Variants in KIF15 observed in about 807,000 individuals in gnomAD.
KIF15 encodes the protein kinesin family member 15, also known as kinesin-like protein KIF15.
Under a neutral mutation model 190.6 loss-of-function variants are expected in KIF15, and 140 were observed. The ratio of observed to expected loss-of-function variants is 0.73; its 90% confidence interval spans 0.64 to 0.84. KIF15 has a LOEUF of 0.84. KIF15 is among the 40% of genes least tolerant of loss of function. The probability of loss-of-function intolerance (pLI) is 0.00; values close to 1 mark genes in which losing one functional copy is unlikely to be tolerated. For missense variants in KIF15, 1,372 were observed against 1,584.4 expected (o/e 0.87, Z 2.28); for synonymous variants, 528 against 551.3 (o/e 0.96, Z 0.59).
intron 3 of KIF15, among the ~76,000 whole-genome samples, chr3:44,777,260 A>G (rs1705936134): frequency 6.6e-6 from 1 of 152,074 alleles, no homozygotes; most frequent in Non-Finnish European, 1.5e-5. Context: ...GGCTTCCCTA[A>G]GTGCTAGGAT....
At position 44,801,972 on chromosome 3, in the gene KIF15, C is replaced by G. The variant is rs749430275; in HGVS notation, c.1507C>G (p.Gln503Glu). The change falls in exon 13 of 35, where the codon CAA (glutamine) becomes GAA (glutamate). Residue 503 changes from glutamine to glutamate, a missense_variant and splice_region_variant. Gln to Glu is a conservative substitution (Grantham distance 29). Transcript: ENST00000326047. ...LRNEIQTLREQIEHHPRVAKY... is the reference protein window; with the variant it reads ...LRNEIQTLREEIEHHPRVAKY... ...GAATGAGATTCAAACTCTGCGAGAA[C>G]AAGTGAGTATACGGCATCTATAATA... The G allele has an allele frequency of 1.9e-6, 3 of 1,601,894 alleles. No homozygotes were observed. The highest frequency in any genetic ancestry group is 2.6e-6 in the Non-Finnish European group (3 of 1,170,298).
intron 10 of KIF15, among the ~76,000 whole-genome samples, chr3:44,798,407 C>T (rs1483288146): frequency 6.6e-6 from 1 of 151,118 alleles, no homozygotes; most frequent in Non-Finnish European, 1.5e-5. Context: ...GCTCTGTCAC[C>T]CAGGCTAGAG....
Position 44,805,143 on chromosome 3 carries a change from T to C in KIF15, c.1804T>C (p.Tyr602His). 6.2e-7 allele frequency: 1 copy of C among 1,612,208 alleles called. No homozygotes were observed. Among genetic ancestry groups the C allele is most frequent in the Non-Finnish European group, 8.5e-7 (1 of 1,179,528 alleles). The part of the protein sequence containing the change: ...QTELNNSKQE[Y>H]EEFKELTRKR... Reference sequence around the variant, plus strand: ...AGAGCTGAATAATTCAAAGCAAGAATATGAAGAATTCAAAGAACTTACTAG... The same window carrying C: ...AGAGCTGAATAATTCAAAGCAAGAACATGAAGAATTCAAAGAACTTACTAG... The change falls in exon 15 of 35, where the codon TAT becomes CAT. Residue 602 changes from tyrosine to histidine, a missense_variant. Physicochemically the swap from Tyr to His is moderately conservative, Grantham distance 83. Coordinates refer to ENST00000326047, the MANE Select transcript of KIF15 (RefSeq NM_020242.3).
intron 7 of KIF15, among the ~76,000 whole-genome samples, chr3:44,793,601 C>G (rs1037716010): frequency 1.3e-5 from 2 of 152,132 alleles, no homozygotes; most frequent in African/African-American, 4.8e-5. Flanking sequence ...TTCTCACCAC[C>G]CTTTACAAAT....
chr3:44,843,215 A>G lies in KIF15; in HGVS notation c.3676A>G (p.Lys1226Glu). Residue 1226 changes from lysine (K) to glutamate (E), a missense_variant, in exon 30 of 35, where the codon AAA becomes GAA. By Grantham distance (56) the Lys-to-Glu change is moderately conservative. Transcript: ENST00000326047. ...CCTGCAAGGTCAGCTGGATGATATT[A>G]AAAGACAAAAGGAAAACAGGTGAGA... is the stretch of plus-strand genomic sequence containing the variant. ...WLLQGQLDDI[K>E]RQKENSDQNH... 6.2e-7 allele frequency: 1 copy of G among 1,612,170 alleles called. No homozygotes were observed.
intron 20 of KIF15, among the ~76,000 whole-genome samples, chr3:44,820,605 G>A (rs1202103454): frequency 4.0e-5 from 6 of 151,782 alleles, no homozygotes; most frequent in Admixed American, 6.6e-5. Flanking sequence ...ATCTTGCACC[G>A]CCCTTAATCC....
downstream of KIF15, among the ~76,000 whole-genome samples, chr3:44,854,372 G>GA (rs5848712): frequency 3.8e-3 from 391 of 102,792 alleles, no homozygotes; most frequent in South Asian, 8.6e-3. Flanking sequence ...GCAACAGAGT[G>GA]AAAAAAAAAA....
chr3:44,821,038 C>G lies in KIF15; in HGVS notation c.2550-5001C>G, dbSNP rs865907996. On this transcript the variant is annotated intron_variant, in intron 20 of 34. Coordinates refer to ENST00000326047, the MANE Select transcript of KIF15 (RefSeq NM_020242.3). ...CTGGCCGGGCGGGGGGGCTGACCCC[C>G]CCACCTCCCTCCCGGATGGGGCGGC... 8.8e-3 allele frequency among the ~76,000 whole-genome samples: 1,303 copies of G among 147,622 alleles called. 67 individuals carry two copies. The highest frequency in any genetic ancestry group is 0.03 in the African/African-American group (1,191 of 39,098).
chr3:44,812,805 C>T (rs138314558), intron 18 of KIF15, among the ~76,000 whole-genome samples: 5 of 152,146 alleles, frequency 3.3e-5, no homozygotes, highest in African/African-American at 9.6e-5. Flanking sequence ...GCCAAGGTGG[C>T]GAAACCCCGT....
Position 44,815,081 on chromosome 3 carries a change from A to G in KIF15, c.2549+5A>G. The G allele has an allele frequency of 6.4e-7, 1 of 1,566,356 alleles. No individual in the cohort carries two copies. ...GCTTCAATTAGATAATCTCAGGTAG[A>G]GTTGTTCTTTTATGGTTTCAAGTTG... On this transcript the variant is annotated splice_donor_5th_base_variant and intron_variant, in intron 20 of 34. Coordinates refer to ENST00000326047, the MANE Select transcript of KIF15 (RefSeq NM_020242.3).
intron 14 of KIF15, 102 bp downstream of exon 14, chr3:44,803,093 C>A: frequency 2.1e-6 from 2 of 950,782 alleles, no homozygotes; most frequent in Non-Finnish European, 3.1e-6. Context: ...GCCTCCAGGC[C>A]TGCTATGCTA....
chr3:44,859,739 T>G (rs1699220085), intron 6 of KIF15, among the ~76,000 whole-genome samples: 1 of 152,170 alleles, frequency 6.6e-6, no homozygotes, highest in African/African-American at 2.4e-5. Flanking sequence ...GCTGAGAGGA[T>G]GGCTTCAGCC....
At chr3:44,785,545 T>C (rs1575590916) in intron 6 of KIF15, among the ~76,000 whole-genome samples, 7 of 152,368 alleles carry the variant, frequency 4.6e-5, no homozygotes, top group Admixed American at 6.5e-5. Flanking sequence ...TTAGAACCAT[T>C]AGTGTTTTAT....
intron 16 of KIF15, among the ~76,000 whole-genome samples, chr3:44,809,545 A>G (rs998025337): frequency 6.6e-6 from 1 of 152,030 alleles, no homozygotes; most frequent in African/African-American, 2.4e-5. Flanking sequence ...AAGGGATTTA[A>G]CTTAAAAAAA....
intron 32 of KIF15, among the ~76,000 whole-genome samples, chr3:44,849,751 C>A (rs1312369794): frequency 1.3e-5 from 2 of 152,058 alleles, no homozygotes; most frequent in Non-Finnish European, 2.9e-5. Flanking sequence ...TACACACACA[C>A]AAATTGAAAG....
In KIF15 at chr3:44,801,991, TATA is replaced by T. The variant is rs746259657; in HGVS notation, c.1509+21_1509+23del. 6.6e-7 allele frequency: 1 copy of T among 1,520,980 alleles called. No homozygotes were observed. Among genetic ancestry groups the T allele is most frequent in the African/African-American group, 1.4e-5 (1 of 72,122 alleles). 94.2% of individuals were successfully genotyped at this position (1,520,980 alleles called of 1,614,324 possible). A position where few individuals can be genotyped will look rare whatever the true frequency, so the allele number is the denominator to read the frequency against. ...CGAGAACAAGTGAGTATACGGCATC[TATA>T]ATATTTCTAAAAATAAAAGAAGTTC... On this transcript the variant is annotated intron_variant, in intron 13 of 34. Coordinates refer to ENST00000326047, the MANE Select transcript of KIF15 (RefSeq NM_020242.3).
Position 44,800,404 on chromosome 3 carries a change from G to T in KIF15, c.1189G>T (p.Gly397Ter). 4.3e-6 allele frequency: 7 copies of T among 1,614,172 alleles called. No homozygotes were observed. Among genetic ancestry groups the T allele is most frequent in the Non-Finnish European group, 5.9e-6 (7 of 1,180,018 alleles). The change falls in exon 11 of 35, where the codon GGA (glycine) becomes TGA (stop). Residue 397 changes from glycine (G) to a stop codon, truncating the protein, a stop_gained. Transcript: ENST00000326047. LOFTEE classifies it high-confidence loss of function. ...AGAACAACTGGCGGAGCTTGCTTCAGGACAGACACCACCAGAAAGCTTCCT... is the reference window on the plus strand; with the variant it reads ...AGAACAACTGGCGGAGCTTGCTTCATGACAGACACCACCAGAAAGCTTCCT... ...LKEQLAELAS[G>*]QTPPESFLTR...
rs1215652133 is a variant in KIF15 at position 44,794,540 on chromosome 3, C to A, written c.849+114C>A. Reference sequence around the variant, plus strand: ...GAGGAACTGCATTTATGATGGGGGTCCCTTAAGAGTATAATAGCTATACCA... The same window carrying A: ...GAGGAACTGCATTTATGATGGGGGTACCTTAAGAGTATAATAGCTATACCA... On this transcript the variant is annotated intron_variant, in intron 8 of 34. Transcript: ENST00000326047. 9.4e-6 allele frequency: 7 copies of A among 742,056 alleles called. No homozygotes were observed. In the Admixed American group the frequency reaches 2.1e-4, roughly 22 times the overall value. 46.0% of individuals were successfully genotyped at this position (742,056 alleles called of 1,614,324 possible).
intron 17 of KIF15, 27 bp from the exon 18 acceptor site, chr3:44,812,155 T>C (rs369622012): frequency 2.5e-5 from 38 of 1,498,588 alleles, no homozygotes; most frequent in Non-Finnish European, 3.3e-5. Context: ...AAAATAAATT[T>C]TGATGACTGA....
Sources: allele counts gnomAD v4.1 joint callset (sites outside exome capture counted in the v4.1 genomes callset), GRCh38; gene constraint gnomAD v4.1.1; transcripts MANE v1.5; gene names NCBI Gene and HGNC (gene_info 2026-07-23, HGNC 2026-07-21).